MRPL3: variants seen among roughly 807,000 people sequenced by gnomAD.
MRPL3 encodes mitochondrial ribosomal protein L3, also known as large ribosomal subunit protein uL3m.
In MRPL3, 43 loss-of-function variants were observed where a neutral mutation model predicts 44.3. That is an observed-to-expected ratio of 0.97 (90% CI 0.76 to 1.25). The LOEUF is 1.25. Among genes scored for constraint, MRPL3 ranks in the 50% most tolerant of loss-of-function variants. The pLI is 0.00. For synonymous variants in MRPL3, 171 were observed against 152.3 expected (o/e 1.12, Z -0.91); for missense variants, 406 against 427.6 (o/e 0.95, Z 0.45).
chr3:131,469,703 C>T lies in MRPL3; in HGVS notation c.809G>A (p.Gly270Glu), dbSNP rs753909631. Residue 270 changes from glycine (G) to glutamate (E), a missense_variant, in exon 8 of 10, where the codon GGA becomes GAA. Coordinates refer to ENST00000264995, the MANE Select transcript of MRPL3 (RefSeq NM_007208.4). Reference protein sequence around the residue: ...KMGNIYRTEYGLKVWRINTKH... With the variant: ...KMGNIYRTEYELKVWRINTKH... ...ACCACTTGTAACACTTACTTTCAGT[C>T]CATATTCTGTCCTGTATATGTTTCC... is the stretch of plus-strand genomic sequence containing the variant. 3 of 1,608,856 alleles carry T rather than the reference C, an allele frequency of 1.9e-6. No individual in the cohort carries two copies. Among genetic ancestry groups the T allele is most frequent in the South Asian group, 1.1e-5 (1 of 90,530 alleles).
chr3:131,491,103 C>T (rs563934063), intron 4 of MRPL3, among the ~76,000 whole-genome samples: 9 of 152,244 alleles, frequency 5.9e-5, no homozygotes, highest in African/African-American at 2.2e-4. Flanking sequence ...TTCTTGACCA[C>T]ATATTCTTTA....
Position 131,468,168 on chromosome 3 carries a change from CCT to C in MRPL3, c.817-2_817-1del, listed in dbSNP as rs780652513. The C allele has an allele frequency of 1.3e-6, 2 of 1,572,986 alleles. No homozygotes were observed. The highest frequency in any genetic ancestry group is 2.4e-5 in the South Asian group (2 of 83,156). ...TTGTGCTTTGTGTTTATTCTCCACACCTAAAGCATGAAATAAAACCAAAAATT... is the reference window on the plus strand; with the variant it reads ...TTGTGCTTTGTGTTTATTCTCCACACAAAGCATGAAATAAAACCAAAAATT... On this transcript the variant is annotated splice_acceptor_variant, in intron 8 of 9. Coordinates refer to ENST00000264995, the MANE Select transcript of MRPL3 (RefSeq NM_007208.4). LOFTEE classifies it high-confidence loss of function.
At chr3:131,474,722 TAA>T (rs1334268319) in intron 6 of MRPL3, among the ~76,000 whole-genome samples, 1 of 150,934 alleles carries the variant, frequency 6.6e-6, no homozygotes, top group East Asian at 1.9e-4. Flanking sequence ...AATGACACAA[TAA>T]AAAGACTGGA....
chr3:131,489,101 G>T (rs1475001998), intron 5 of MRPL3, among the ~76,000 whole-genome samples: 1 of 151,838 alleles, frequency 6.6e-6, no homozygotes, highest in African/African-American at 2.4e-5. Flanking sequence ...ATACCAAAGA[G>T]AATATTAAAA....
chr3:131,470,392 A>G (rs1933713220), intron 7 of MRPL3, among the ~76,000 whole-genome samples: 1 of 152,160 alleles, frequency 6.6e-6, no homozygotes, highest in Non-Finnish European at 1.5e-5. Flanking sequence ...ACAGCTTCTT[A>G]TAACACATGA....
At chr3:131,470,771 T>C (rs1933723856) in intron 7 of MRPL3, among the ~76,000 whole-genome samples, 1 of 152,158 alleles carries the variant, frequency 6.6e-6, no homozygotes, top group Non-Finnish European at 1.5e-5. Context: ...TTTCATACTT[T>C]AACGCCCTTT....
Position 131,502,740 on chromosome 3 carries a change from G to T in MRPL3, c.82C>A (p.Pro28Thr). 4 of 1,609,660 alleles carry T rather than the reference G, an allele frequency of 2.5e-6. No homozygotes were observed. The highest frequency in any genetic ancestry group is 3.4e-6 in the Non-Finnish European group (4 of 1,177,470). The change falls in exon 1 of 10, where the codon CCG (proline) becomes ACG (threonine). Residue 28 changes from proline (P) to threonine (T), a missense_variant. Physicochemically the swap from Pro to Thr is conservative, Grantham distance 38. Transcript: ENST00000264995. ...LGDGLGAALGPGNRTHIWLFV... is the reference protein window; with the variant it reads ...LGDGLGAALGTGNRTHIWLFV... ...CTCACACCTTCCTACCTGTTCCCCG[G>T]GCCCAGGGCAGCACCCAGGCCGTCC...
At chr3:131,498,382 A>G in intron 3 of MRPL3, 105 bp from the exon 4 acceptor site, 1 of 643,156 alleles carries the variant, frequency 1.6e-6, no homozygotes. Context: ...CCCTACAGTT[A>G]CTTACCTCAT....
intron 4 of MRPL3, among the ~76,000 whole-genome samples, chr3:131,495,908 TAAGAAA>T (rs1934361518): frequency 6.6e-6 from 1 of 152,162 alleles, no homozygotes. Context: ...TTTTTATGGG[TAAGAAA>T]ATAGATGTTC....
At chr3:131,492,943 T>TA (rs1357237645) in intron 4 of MRPL3, among the ~76,000 whole-genome samples, 1 of 152,212 alleles carries the variant, frequency 6.6e-6, no homozygotes, top group Non-Finnish European at 1.5e-5. Context: ...CCTTAATTCT[T>TA]AAGACTCGAT....
intron 6 of MRPL3, among the ~76,000 whole-genome samples, chr3:131,481,288 G>A (rs533618096): frequency 6.6e-6 from 1 of 152,196 alleles, no homozygotes; most frequent in South Asian, 2.1e-4. Context: ...TATTCATTTC[G>A]AAAGATATTT....
intron 1 of MRPL3, among the ~76,000 whole-genome samples, 193 bp downstream of exon 1, chr3:131,502,537 T>C (rs1934520942): frequency 6.6e-6 from 1 of 152,176 alleles, no homozygotes; most frequent in Non-Finnish European, 1.5e-5. Flanking sequence ...GGCTGGCTCA[T>C]AAGCGTTTTT....
At chr3:131,502,579 T>C (rs1333292867) in intron 1 of MRPL3, 151 bp downstream of exon 1, 2 of 624,588 alleles carry the variant, frequency 3.2e-6, no homozygotes, top group Non-Finnish European at 5.5e-6. Flanking sequence ...CCTTAGAACG[T>C]GCTTCCTTAG....
At chr3:131,488,319 T>A (rs1934175671) in intron 5 of MRPL3, among the ~76,000 whole-genome samples, 1 of 152,194 alleles carries the variant, frequency 6.6e-6, no homozygotes, top group South Asian at 2.1e-4. Context: ...CCTTTATAGA[T>A]ACTTATTAAA....
At chr3:131,479,474 G>T (rs192290310) in intron 6 of MRPL3, among the ~76,000 whole-genome samples, 1 of 152,264 alleles carries the variant, frequency 6.6e-6, no homozygotes, top group East Asian at 1.9e-4. Flanking sequence ...GAGATTCACA[G>T]GAAAATGGAG....
At chr3:131,477,567 T>C (rs141040957) in intron 6 of MRPL3, among the ~76,000 whole-genome samples, 1,903 of 152,300 alleles carry the variant, frequency 0.012, 18 homozygotes, top group East Asian at 0.035. Flanking sequence ...TAAATCCCTA[T>C]GTATCCATCA....
intron 9 of MRPL3, among the ~76,000 whole-genome samples, chr3:131,464,055 G>C (rs1219400113): frequency 1.3e-5 from 2 of 151,926 alleles, no homozygotes; most frequent in African/African-American, 2.4e-5. Flanking sequence ...AAGTAAACTT[G>C]TTTAGTTTTG....
At chr3:131,487,595 T>C (rs1934157944) in intron 6 of MRPL3, 85 bp downstream of exon 6, 6 of 1,060,744 alleles carry the variant, frequency 5.7e-6, no homozygotes, top group Non-Finnish European at 7.1e-6. Flanking sequence ...TTCACTGACT[T>C]GAAAGACTGT....
At chr3:131,498,404 C>T in intron 3 of MRPL3, 127 bp from the exon 4 acceptor site, 1 of 567,984 alleles carries the variant, frequency 1.8e-6, no homozygotes. Context: ...TTTCCTCTAA[C>T]ACCAACCACA....
Sources: allele counts gnomAD v4.1 joint callset (sites outside exome capture counted in the v4.1 genomes callset), GRCh38; gene constraint gnomAD v4.1.1; transcripts MANE v1.5; gene names NCBI Gene and HGNC (gene_info 2026-07-23, HGNC 2026-07-21).